The following TRABD2B variants were observed in gnomAD, a reference collection of about 807,000 sequenced individuals.
TRABD2B encodes TraB domain containing 2B.
TRABD2B carries 14 observed loss-of-function variants against 40.1 expected under a neutral mutation model. The observed-to-expected ratio is 0.35, with a 90% CI of 0.23 to 0.55. The LOEUF (loss-of-function observed/expected upper bound fraction) is 0.55. TRABD2B is among the 20% of genes least tolerant of loss of function. The pLI is 0.90. For missense variants in TRABD2B, 541 were observed against 648.6 expected (o/e 0.83, Z 1.80); for synonymous variants, 263 against 277.0 (o/e 0.95, Z 0.50).
chr1:47,956,365 A>C (rs952584656), intron 2 of TRABD2B, among the ~76,000 whole-genome samples: 1 of 152,188 alleles, frequency 6.6e-6, no homozygotes, highest in African/African-American at 2.4e-5. Context: ...CTTGTCGGAC[A>C]GTGGGTGCAG....
chr1:47,798,836 C>A (rs576796815), intron 3 of TRABD2B, among the ~76,000 whole-genome samples: 1 of 152,328 alleles, frequency 6.6e-6, no homozygotes, highest in African/African-American at 2.4e-5. Context: ...CCCCCAGCTA[C>A]AGACACAGCC....
At chr1:47,809,475 G>A (rs911588589) in intron 2 of TRABD2B, among the ~76,000 whole-genome samples, 2 of 152,208 alleles carry the variant, frequency 1.3e-5, no homozygotes, top group Admixed American at 1.3e-4. Context: ...TGCAGAGCTG[G>A]GAGGAGCTGC....
rs1413347072 is a variant in TRABD2B at position 47,997,155 on chromosome 1, C to CA, written c.-367dup. On this transcript the variant is annotated 5_prime_UTR_variant, in exon 1 of 7. Coordinates refer to ENST00000606738, the MANE Select transcript of TRABD2B (RefSeq NM_001194986.2). ...GGCAGAACCGAGAACCCGGGGTGCG[C>CA]AAGGGTCCCGGGGTTATGCTGGGCA... 1.0e-6 allele frequency: 1 copy of CA among 983,372 alleles called. No individual in the cohort carries two copies. The highest frequency in any genetic ancestry group is 1.2e-4 in the East Asian group (1 of 8,570). The allele number at this position is 983,372 out of a possible 1,614,324, so 60.9% of individuals were successfully genotyped here.
At chr1:47,977,873 G>A (rs1645781463) in intron 2 of TRABD2B, among the ~76,000 whole-genome samples, 1 of 152,040 alleles carries the variant, frequency 6.6e-6, no homozygotes, top group Admixed American at 6.6e-5. Context: ...AAAGGGAGAT[G>A]TCCTGGTTCA....
At chr1:47,768,299 C>T (rs148575974) in intron 6 of TRABD2B, among the ~76,000 whole-genome samples, 20 of 150,918 alleles carry the variant, frequency 1.3e-4, no homozygotes, top group Non-Finnish European at 2.5e-4. Context: ...GCAGGGATGG[C>T]GTTTCTGAGT....
intron 3 of TRABD2B, among the ~76,000 whole-genome samples, chr1:47,799,656 C>T (rs556083517): frequency 1.8e-4 from 27 of 152,260 alleles, no homozygotes; most frequent in African/African-American, 5.5e-4. Flanking sequence ...TGATGGAACA[C>T]CATGGCCCGG....
chr1:47,992,815 T>C (rs1646031392), intron 2 of TRABD2B, among the ~76,000 whole-genome samples: 1 of 152,202 alleles, frequency 6.6e-6, no homozygotes, highest in South Asian at 2.1e-4. Context: ...CCAATACTCC[T>C]GCCACTGGGG....
At chr1:47,961,551 A>T (rs1318362031) in intron 2 of TRABD2B, among the ~76,000 whole-genome samples, 2 of 152,242 alleles carry the variant, frequency 1.3e-5, no homozygotes, top group African/African-American at 4.8e-5. Context: ...AAGTGGGCAA[A>T]GGATATGAGC....
chr1:47,819,077 T>G (rs1042258858), intron 2 of TRABD2B: 4 of 152,286 alleles, frequency 2.6e-5, no homozygotes, highest in African/African-American at 7.2e-5. Context: ...ACAAGCCTGT[T>G]GTGGGGAGGA....
chr1:47,779,829 G>A (rs1031747428), intron 4 of TRABD2B, among the ~76,000 whole-genome samples: 1 of 152,190 alleles, frequency 6.6e-6, no homozygotes, highest in Admixed American at 6.5e-5. Context: ...GCCTGTGAAT[G>A]GTGGTGACAG....
chr1:47,864,485 A>G (rs1290708574), intron 2 of TRABD2B, among the ~76,000 whole-genome samples: 1 of 152,168 alleles, frequency 6.6e-6, no homozygotes, highest in East Asian at 1.9e-4. Context: ...AAAGTCTTAC[A>G]AAAAGGTCAA....
chr1:47,820,177 A>G (rs1645087014), intron 2 of TRABD2B: 1 of 152,170 alleles, frequency 6.6e-6, no homozygotes, highest in South Asian at 2.1e-4. Flanking sequence ...TGTTTTGTTC[A>G]TTAGTCTATC....
chr1:47,789,637 C>T (rs761939335), intron 4 of TRABD2B, among the ~76,000 whole-genome samples: 63 of 152,282 alleles, frequency 4.1e-4, no homozygotes, highest in Non-Finnish European at 8.1e-4. Flanking sequence ...ATGACTTCAC[C>T]TTCTACTTCA....
chr1:47,916,118 C>T (rs556970970), intron 2 of TRABD2B, among the ~76,000 whole-genome samples: 13 of 150,720 alleles, frequency 8.6e-5, no homozygotes, highest in African/African-American at 3.2e-4. Flanking sequence ...TGGACAATGG[C>T]TGCTCGCCTG....
intron 2 of TRABD2B, among the ~76,000 whole-genome samples, chr1:47,986,193 A>G (rs1354242342): frequency 3.3e-5 from 5 of 152,184 alleles, no homozygotes; most frequent in Non-Finnish European, 5.9e-5. Context: ...AACCCAAAAT[A>G]TCCCAGGATG....
intron 2 of TRABD2B, among the ~76,000 whole-genome samples, chr1:47,863,690 A>G (rs1644011901): frequency 6.6e-6 from 1 of 152,136 alleles, no homozygotes; most frequent in Non-Finnish European, 1.5e-5. Context: ...GAAGATGGTT[A>G]GGTCTTACAA....
At chr1:47,812,917 G>T (rs1340660746) in intron 2 of TRABD2B, among the ~76,000 whole-genome samples, 1 of 152,082 alleles carries the variant, frequency 6.6e-6, no homozygotes, top group Non-Finnish European at 1.5e-5. Context: ...TCAGACAGTA[G>T]ACAAGTCACC....
intron 2 of TRABD2B, among the ~76,000 whole-genome samples, chr1:47,838,942 T>G (rs757268638): frequency 6.6e-6 from 1 of 152,180 alleles, no homozygotes; most frequent in South Asian, 2.1e-4. Context: ...CCAGCTGGCT[T>G]GCGGCCTGGG....
chr1:47,806,628 G>A (rs576768002), intron 2 of TRABD2B, among the ~76,000 whole-genome samples: 5 of 152,304 alleles, frequency 3.3e-5, no homozygotes, highest in East Asian at 1.9e-4. Context: ...CCTCACCAAC[G>A]CTGGCTGGAC....
Sources: allele counts gnomAD v4.1 joint callset (sites outside exome capture counted in the v4.1 genomes callset), GRCh38; gene constraint gnomAD v4.1.1; transcripts MANE v1.5; gene names NCBI Gene and HGNC (gene_info 2026-07-23, HGNC 2026-07-21).